ACACA: variants seen among roughly 807,000 people sequenced by gnomAD.
ACACA encodes acetyl-CoA carboxylase 1.
ACACA carries 103 observed loss-of-function variants against 296.1 expected under a neutral mutation model. The ratio of observed to expected loss-of-function variants is 0.35; its 90% confidence interval spans 0.30 to 0.41. The LOEUF is 0.41. Among genes scored for constraint, ACACA ranks in the 10% least tolerant of loss-of-function variants. The pLI, the probability that ACACA is intolerant of heterozygous loss-of-function variation, is 1.00. For missense variants in ACACA, 1,554 were observed against 2,989.7 expected (o/e 0.52, Z 11.20); for synonymous variants, 953 against 1,038.6 (o/e 0.92, Z 1.58).
At chr17:37,098,029 A>C in intron 52 of ACACA, 45 bp from the exon 53 acceptor site, 1 of 1,613,262 alleles carries the variant, frequency 6.2e-7, no homozygotes, top group Non-Finnish European at 8.5e-7. Context: ...AATGACCAGG[A>C]ATCTCTCTGC....
At chr17:37,258,489 T>C (rs570802145) in intron 12 of ACACA, 116 bp from the exon 13 acceptor site, 1 of 958,002 alleles carries the variant, frequency 1.0e-6, no homozygotes, top group Non-Finnish European at 1.6e-6. Context: ...AAACATTCTA[T>C]TTTTATAACC....
intron 11 of ACACA, among the ~76,000 whole-genome samples, chr17:37,262,141 G>A (rs1423097126): frequency 6.6e-6 from 1 of 152,094 alleles, no homozygotes; most frequent in Admixed American, 6.5e-5. Flanking sequence ...AACAGACTGA[G>A]GCACAGATTA....
chr17:37,141,064 A>G (rs531042788), intron 45 of ACACA: 107 of 429,670 alleles, frequency 2.5e-4, no homozygotes, highest in African/African-American at 1.9e-3. Flanking sequence ...CTTAACACCC[A>G]GACCAACATG....
chr17:37,263,307 A>G (rs34565612), intron 11 of ACACA, among the ~76,000 whole-genome samples: 7,631 of 152,270 alleles, frequency 0.05, 269 homozygotes, highest in Middle Eastern at 0.15. Context: ...TCCAAAAACG[A>G]TAATAGAGTT....
intron 1 of ACACA, among the ~76,000 whole-genome samples, chr17:37,374,790 G>T (rs1445433068): frequency 2.0e-5 from 3 of 152,200 alleles, no homozygotes; most frequent in Admixed American, 2.0e-4. Context: ...TCATCAGAAT[G>T]TTGTCCACCA....
chr17:37,230,168 T>C (rs2079788231), intron 25 of ACACA, among the ~76,000 whole-genome samples: 3 of 151,812 alleles, frequency 2.0e-5, no homozygotes, highest in Non-Finnish European at 4.4e-5. Context: ...GTGGATCACC[T>C]GAGGTCAGGC....
At position 37,205,820 on chromosome 17, in the gene ACACA, C is replaced by T. The variant is rs2078473098; in HGVS notation, c.4001G>A (p.Cys1334Tyr). The change falls in exon 33 of 56, where the codon TGT becomes TAT. Residue 1334 changes from cysteine (C) to tyrosine (Y), a missense_variant. Transcript: ENST00000616317. ...TGCCAGCCTGTCATCCTCAATATCA[C>T]AGTCAGTCTTGATAGCCACATTGAG... is the stretch of plus-strand genomic sequence containing the variant. ...HILNVAIKTD[C>Y]DIEDDRLAAM... is the part of the protein sequence containing the mutation. The T allele has an allele frequency of 1.9e-6, 3 of 1,613,662 alleles. No homozygotes were observed. Among genetic ancestry groups the T allele is most frequent in the Non-Finnish European group, 2.5e-6 (3 of 1,179,926 alleles).
intron 1 of ACACA, among the ~76,000 whole-genome samples, chr17:37,374,304 GA>G (rs1555665729): frequency 1.0e-5 from 1 of 96,268 alleles, no homozygotes; most frequent in Non-Finnish European, 2.1e-5. Flanking sequence ...TTTTTTTTTT[GA>G]GACGGAGTTT....
intron 3 of ACACA, among the ~76,000 whole-genome samples, chr17:37,312,412 C>G (rs539979996): frequency 6.6e-6 from 1 of 152,304 alleles, no homozygotes; most frequent in South Asian, 2.1e-4. Flanking sequence ...ATTACATAAT[C>G]TCTCTGAGCC....
chr17:37,215,624 C>T (rs908865720), intron 29 of ACACA, among the ~76,000 whole-genome samples: 8 of 152,102 alleles, frequency 5.3e-5, no homozygotes, highest in African/African-American at 1.9e-4. Flanking sequence ...ACTTAATATG[C>T]CCAAAGCTTA....
chr17:37,260,477 T>C (rs965236384), intron 11 of ACACA, among the ~76,000 whole-genome samples: 1 of 150,768 alleles, frequency 6.6e-6, no homozygotes, highest in African/African-American at 2.4e-5. Context: ...CTAATTTTTA[T>C]ATCTTTAGTA....
At chr17:37,182,853 T>C (rs1347645375) in intron 39 of ACACA, among the ~76,000 whole-genome samples, 1 of 152,198 alleles carries the variant, frequency 6.6e-6, no homozygotes, top group Non-Finnish European at 1.5e-5. Context: ...CTCAGAGGAA[T>C]GAATGTTCTG....
chr17:37,188,421 G>A lies in ACACA; in HGVS notation c.4632C>T (p.Arg1544=), dbSNP rs751829390. The A allele has an allele frequency of 9.9e-6, 16 of 1,613,790 alleles. No homozygotes were observed. Among genetic ancestry groups the A allele is most frequent in the Admixed American group, 1.7e-5 (1 of 59,996 alleles). The change falls in exon 39 of 56, where the codon CGC becomes CGT. Residue 1544 remains arginine, a synonymous_variant. Transcript: ENST00000616317. The part of the protein sequence containing the change: ...MRYGSRLWKL[R]VLQAELKINI... ...TGATTTTCAGTTCTGCCTGGAGGAC[G>A]CGCAATTTCCACAGGCGACTTCCAT... is the stretch of plus-strand genomic sequence containing the variant.
At chr17:37,148,687 G>C (rs1163033293) in intron 45 of ACACA, among the ~76,000 whole-genome samples, 1 of 152,050 alleles carries the variant, frequency 6.6e-6, no homozygotes, top group Non-Finnish European at 1.5e-5. Context: ...GAGAGGAACG[G>C]GAAACTGAAA....
At chr17:37,115,105 A>AT (rs1597860659) in intron 50 of ACACA, among the ~76,000 whole-genome samples, 1 of 152,308 alleles carries the variant, frequency 6.6e-6, no homozygotes, top group South Asian at 2.1e-4. Flanking sequence ...AATGTGTATG[A>AT]TATGTACTCC....
Position 37,113,589 on chromosome 17 carries a change from C to T in ACACA, c.6275-324G>A, listed in dbSNP as rs1237137913. The stretch of plus-strand genomic sequence containing the variant: ...CATTAATTCACATTTGCTCTACAAA[C>T]GTTGAGTATTTTTCATGTCAATATG... On this transcript the variant is annotated intron_variant, in intron 50 of 55. Coordinates refer to ENST00000616317, the MANE Select transcript of ACACA (RefSeq NM_198834.3). The surrounding 1 kb of genome is among the most constrained non-coding windows in gnomAD (Gnocchi z 4.0). Among the ~76,000 whole-genome samples, 1 of 152,166 alleles carries T rather than the reference C, an allele frequency of 6.6e-6. No homozygotes were observed. Among genetic ancestry groups the T allele is most frequent in the Admixed American group, 6.5e-5 (1 of 15,282 alleles).
chr17:37,230,017 C>T (rs1239540586), intron 25 of ACACA, among the ~76,000 whole-genome samples: 10 of 151,808 alleles, frequency 6.6e-5, no homozygotes, highest in African/African-American at 2.4e-4. Context: ...GCTGAGATTG[C>T]GTCATTGCAC....
chr17:37,192,070 C>CAT lies in ACACA; in HGVS notation c.4416+18_4416+19dup, dbSNP rs1457423239. The CAT allele has an allele frequency of 1.2e-6, 2 of 1,611,612 alleles. No individual in the cohort carries two copies. Among genetic ancestry groups the CAT allele is most frequent in the Non-Finnish European group, 1.7e-6 (2 of 1,177,904 alleles). On this transcript the variant is annotated intron_variant, in intron 37 of 55. Transcript: ENST00000616317. ...GTCCCTTCCCTCAGGGATAACATCC[C>CAT]ATTAAAGTACAGCACCCACCTTGGT...
At position 37,221,935 on chromosome 17, in the gene ACACA, C is replaced by T; in HGVS notation, c.3565-93G>A. On this transcript the variant is annotated intron_variant, in intron 28 of 55. Transcript: ENST00000616317. ...GAGTCTTGAAACGAGGTATCTGAGG[C>T]AGAAGGTGCTCTGTGGGGAGAGAAG... 6.6e-6 allele frequency: 7 copies of T among 1,067,004 alleles called. No homozygotes were observed. The South Asian group carries it at 9.0e-5, about 14-fold the overall frequency. The allele number at this position is 1,067,004 out of a possible 1,614,324, so 66.1% of individuals were successfully genotyped here. A position where few individuals can be genotyped will look rare whatever the true frequency, so the allele number is the denominator to read the frequency against.
Sources: gnomAD v4.1 joint callset for allele counts (sites outside exome capture counted in the v4.1 genomes callset) on GRCh38, gnomAD v4.1.1 for gene constraint, Gnocchi (gnomAD v3.1) non-coding constraint, MANE v1.5 for transcripts, NCBI Gene and HGNC (gene_info 2026-07-23, HGNC 2026-07-21) for gene names.